Variants in DCC observed in about 807,000 individuals in gnomAD.
DCC encodes netrin receptor DCC.
In DCC, 58 loss-of-function variants were observed where a neutral mutation model predicts 172.5. The ratio of observed to expected loss-of-function variants is 0.34; its 90% CI spans 0.27 to 0.42. The LOEUF is 0.42. DCC is among the 10% of genes least tolerant of loss of function. The probability of loss-of-function intolerance (pLI) is 1.00; values close to 1 mark genes in which losing one functional copy is unlikely to be tolerated. For synonymous variants in DCC, 709 were observed against 644.5 expected (o/e 1.10, Z -1.52); for missense variants, 1,740 against 1,791.0 (o/e 0.97, Z 0.51).
chr18:52,551,961 T>C (rs974221706), intron 1 of DCC, among the ~76,000 whole-genome samples: 6 of 151,912 alleles, frequency 3.9e-5, no homozygotes, highest in African/African-American at 1.2e-4. Flanking sequence ...TGTGTGGATT[T>C]GGTGTGGGGG....
intron 2 of DCC, among the ~76,000 whole-genome samples, chr18:52,799,048 C>G (rs1367030742): frequency 6.6e-6 from 1 of 152,166 alleles, no homozygotes; most frequent in Non-Finnish European, 1.5e-5. Flanking sequence ...CGTGGCCAGC[C>G]TTATGTGTGT....
chr18:52,932,056 G>A (rs969765422), intron 5 of DCC: 5 of 152,118 alleles, frequency 3.3e-5, no homozygotes, highest in Non-Finnish European at 7.4e-5. Context: ...GGCAGGGGTG[G>A]GAGGAGTCCT....
intron 15 of DCC, among the ~76,000 whole-genome samples, chr18:53,353,852 G>A (rs1025282329): frequency 1.5e-4 from 23 of 152,056 alleles, no homozygotes; most frequent in African/African-American, 4.8e-4. Context: ...CATGTGCCAT[G>A]TTGGTGTGCT....
intron 2 of DCC, among the ~76,000 whole-genome samples, chr18:52,815,979 T>G (rs78604678): frequency 0.11 from 17,406 of 152,214 alleles, 1,093 homozygotes; most frequent in South Asian, 0.2. Flanking sequence ...AAAAAAGAGA[T>G]AAACCAACCA....
chr18:52,520,814 T>G (rs1030649854), intron 1 of DCC, among the ~76,000 whole-genome samples: 1 of 152,160 alleles, frequency 6.6e-6, no homozygotes, highest in African/African-American at 2.4e-5. Flanking sequence ...TGGTTAAAAG[T>G]GCCTTACAAT....
At chr18:53,457,007 C>T (rs1163234719) in intron 23 of DCC, among the ~76,000 whole-genome samples, 3 of 152,020 alleles carry the variant, frequency 2.0e-5, no homozygotes, top group Non-Finnish European at 2.9e-5. Context: ...ATAAGAGATA[C>T]GATAGGAAAT....
rs1042480639 is a variant in DCC at position 52,540,042 on chromosome 18, T to C, written c.91+199164T>C. ...GTGATGTTCAGTGGCATTATCTTGA[T>C]ACAGTAGAATGATTCCTAGATCATA... is the stretch of plus-strand genomic sequence containing the variant. On this transcript the variant is annotated intron_variant, in intron 1 of 28. Transcript: ENST00000442544. 5.9e-5 allele frequency among the ~76,000 whole-genome samples: 9 copies of C among 152,202 alleles called. 1 individual carries two copies. Among genetic ancestry groups the C allele is most frequent in the African/African-American group, 2.2e-4 (9 of 41,452 alleles).
intron 1 of DCC, among the ~76,000 whole-genome samples, chr18:52,611,360 A>G (rs1341296670): frequency 6.6e-6 from 1 of 152,146 alleles, no homozygotes; most frequent in East Asian, 1.9e-4. Context: ...GATAGGTACA[A>G]ATATATAGTT....
At chr18:53,263,459 T>A (rs1342464152) in intron 12 of DCC, among the ~76,000 whole-genome samples, 1 of 152,214 alleles carries the variant, frequency 6.6e-6, no homozygotes, top group African/African-American at 2.4e-5. Flanking sequence ...GCCTGAAGTG[T>A]GTAATTTTAA....
intron 7 of DCC, among the ~76,000 whole-genome samples, chr18:53,109,408 A>G (rs1410812530): frequency 1.3e-5 from 2 of 151,446 alleles, no homozygotes; most frequent in Middle Eastern, 3.4e-3. Flanking sequence ...TATTTATTAA[A>G]TCCTCTTTAT....
At chr18:52,926,864 TATATAC>T (rs899734515) in intron 5 of DCC, among the ~76,000 whole-genome samples, 21 of 146,126 alleles carry the variant, frequency 1.4e-4, no homozygotes, top group African/African-American at 4.5e-4. Flanking sequence ...TGTGTGTGTA[TATATAC>T]ATATACATAT....
At position 52,643,468 on chromosome 18, in the gene DCC, C is replaced by A. The variant is rs75377309; in HGVS notation, c.92-108586C>A. Among the ~76,000 whole-genome samples the A allele has an allele frequency of 6.7e-3, 1,016 of 152,226 alleles. 13 individuals carry two copies. Among genetic ancestry groups the A allele is most frequent in the African/African-American group, 0.023 (962 of 41,552 alleles). Reference sequence around the variant, plus strand: ...CATCCTTCGCAATGCTCATTAAAACCAGCCCACATGATTTTTGCTCTTCTA... The same window carrying A: ...CATCCTTCGCAATGCTCATTAAAACAAGCCCACATGATTTTTGCTCTTCTA... On this transcript the variant is annotated intron_variant, in intron 1 of 28. Coordinates refer to ENST00000442544, the MANE Select transcript of DCC (RefSeq NM_005215.4).
chr18:52,399,115 TA>T, intron 1 of DCC, among the ~76,000 whole-genome samples: 1 of 152,116 alleles, frequency 6.6e-6, no homozygotes, highest in Admixed American at 6.6e-5. Flanking sequence ...TAAACTGAGA[TA>T]AGGCTCTTGA....
chr18:52,452,130 A>T (rs1038381969), intron 1 of DCC, among the ~76,000 whole-genome samples: 2 of 152,180 alleles, frequency 1.3e-5, no homozygotes, highest in African/African-American at 4.8e-5. Flanking sequence ...AGCTGCAGAC[A>T]AGCTGTTTTC....
chr18:52,633,080 T>C (rs951657575), intron 1 of DCC, among the ~76,000 whole-genome samples: 1 of 152,160 alleles, frequency 6.6e-6, no homozygotes, highest in Middle Eastern at 3.2e-3. Context: ...TAAAATTTCA[T>C]GTCATCCTCA....
intron 12 of DCC, among the ~76,000 whole-genome samples, chr18:53,288,067 T>TG (rs1308653404): frequency 3.3e-5 from 5 of 152,146 alleles, no homozygotes; most frequent in Non-Finnish European, 7.4e-5. Context: ...GTTTTGTCAC[T>TG]ATTGCCTGAT....
Position 52,990,117 on chromosome 18 carries a change from T to C in DCC, c.985+64747T>C, listed in dbSNP as rs140735374. ...TAAAGCTGAGATGTTACCTTATTCT[T>C]TCAAGCAACCATAGTAAGTTGGTGG... On this transcript the variant is annotated intron_variant, in intron 5 of 28. Transcript: ENST00000442544. Among the ~76,000 whole-genome samples the C allele has an allele frequency of 9.1e-4, 138 of 152,128 alleles. No homozygotes were observed. The South Asian group carries it at 9.5e-3, about 10-fold the overall frequency.
chr18:53,096,127 C>T (rs913763903), intron 7 of DCC, among the ~76,000 whole-genome samples: 13 of 151,872 alleles, frequency 8.6e-5, no homozygotes, highest in South Asian at 2.1e-4. Flanking sequence ...GCACATTATG[C>T]ACATGTACCC....
At chr18:52,539,150 CTTCAA>C (rs760440857) in intron 1 of DCC, among the ~76,000 whole-genome samples, 2 of 152,120 alleles carry the variant, frequency 1.3e-5, no homozygotes, top group Non-Finnish European at 2.9e-5. Context: ...TGAGTTTCTT[CTTCAA>C]TTCAAGATTT....
Sources: allele counts gnomAD v4.1 joint callset (sites outside exome capture counted in the v4.1 genomes callset), GRCh38; gene constraint gnomAD v4.1.1; transcripts MANE v1.5; gene names NCBI Gene and HGNC (gene_info 2026-07-23, HGNC 2026-07-21).